Variants in KLKB1 observed in about 807,000 individuals in gnomAD.
The protein encoded by KLKB1 is plasma kallikrein.
A neutral mutation model predicts 73.6 loss-of-function variants in KLKB1; 58 were observed. The ratio of observed to expected loss-of-function variants is 0.79; its 90% confidence interval spans 0.64 to 0.98. KLKB1 has a LOEUF of 0.98. KLKB1 is among the 50% of genes least tolerant of loss of function. The probability of loss-of-function intolerance (pLI) is 0.00; values close to 1 mark genes in which losing one functional copy is unlikely to be tolerated. For synonymous variants in KLKB1, 280 were observed against 258.1 expected (o/e 1.08, Z -0.81); for missense variants, 737 against 763.8 (o/e 0.96, Z 0.41).
rs1465338612 is a variant in KLKB1 at position 186,258,040 on chromosome 4, T to C, written c.1745T>C (p.Leu582Ser). The C allele has an allele frequency of 6.2e-7, 1 of 1,614,052 alleles. No individual in the cohort carries two copies. Residue 582 changes from leucine (L) to serine (S), a missense_variant, in exon 15 of 15, where the codon TTA (leucine) becomes TCA (serine). Transcript: ENST00000264690. ...DACKGDSGGP[L>S]VCKHNGMWRL... ...ACTCAGGGAGATTCAGGTGGTCCCT[T>C]AGTTTGCAAACACAATGGAATGTGG...
At chr4:186,255,249 C>T (rs1345195623) in intron 12 of KLKB1, among the ~76,000 whole-genome samples, 5 of 152,144 alleles carry the variant, frequency 3.3e-5, no homozygotes, top group South Asian at 2.1e-4. Context: ...TGCCAGGAGC[C>T]GAATACCCAC....
At chr4:186,225,227 A>C (rs1401497139), upstream of KLKB1, among the ~76,000 whole-genome samples, 1 of 152,046 alleles carries the variant, frequency 6.6e-6, no homozygotes, top group Non-Finnish European at 1.5e-5. Context: ...TCTGAAGGAC[A>C]GCTTTGCCTG....
intron 6 of KLKB1, among the ~76,000 whole-genome samples, chr4:186,239,313 G>A (rs1236581482): frequency 6.6e-6 from 1 of 151,042 alleles, no homozygotes; most frequent in Non-Finnish European, 1.5e-5. Flanking sequence ...TTATAGGACA[G>A]TGATATAGGA....
intron 2 of KLKB1, among the ~76,000 whole-genome samples, chr4:186,215,431 CTCTCTCCTTG>C (rs1736872705): frequency 1.5e-5 from 2 of 129,738 alleles, no homozygotes; most frequent in Non-Finnish European, 1.6e-5. Context: ...CTTTCTCTCT[CTCTCTCCTTG>C]CTTGCTTGCT....
intron 12 of KLKB1, 22 bp from the exon 13 acceptor site, chr4:186,255,970 T>C: frequency 6.8e-7 from 1 of 1,471,170 alleles, no homozygotes; most frequent in South Asian, 1.1e-5. Flanking sequence ...GACCAAACTC[T>C]AATTTAAAAA....
intron 2 of KLKB1, among the ~76,000 whole-genome samples, chr4:186,215,258 AAAT>A (rs1391529864): frequency 6.6e-6 from 1 of 151,748 alleles, no homozygotes; most frequent in Non-Finnish European, 1.5e-5. Flanking sequence ...AAAAAAAAAA[AAAT>A]ATGTAGGCAC....
intron 7 of KLKB1, chr4:186,250,899 A>G (rs1738633321): frequency 2.6e-6 from 1 of 379,952 alleles, no homozygotes; most frequent in Non-Finnish European, 4.8e-6. Flanking sequence ...TAGTTATGTA[A>G]TATCATCGGC....
In KLKB1 at chr4:186,228,215, C is replaced by T. The variant is rs1291078726; in HGVS notation, c.20C>T (p.Ala7Val). The T allele has an allele frequency of 6.3e-7, 1 of 1,585,404 alleles. No individual in the cohort carries two copies. The highest frequency in any genetic ancestry group is 1.7e-5 in the Admixed American group (1 of 59,930). MILFKQATYFISLFATV... is the reference protein window; with the variant it reads MILFKQVTYFISLFATV... ...TTTAGAATGATTTTATTCAAGCAAGCAACTTATTTCATTTCCTTGTTTGCT... is the reference window on the plus strand; with the variant it reads ...TTTAGAATGATTTTATTCAAGCAAGTAACTTATTTCATTTCCTTGTTTGCT... The change falls in exon 2 of 15, where the codon GCA becomes GTA. Residue 7 changes from alanine (A) to valine (V), a missense_variant. Ala to Val is a moderately conservative substitution (Grantham distance 64, BLOSUM62 0). Transcript: ENST00000264690.
At chr4:186,245,040 A>C (rs1738255991) in intron 6 of KLKB1, among the ~76,000 whole-genome samples, 1 of 152,146 alleles carries the variant, frequency 6.6e-6, no homozygotes, top group Non-Finnish European at 1.5e-5. Context: ...GCTGTGGCCT[A>C]AGAACAGTCA....
chr4:186,225,483 GTGCA>G (rs1329297976), upstream of KLKB1, among the ~76,000 whole-genome samples: 1,613 of 30,956 alleles, frequency 0.052, 32 homozygotes, highest in African/African-American at 0.22. Flanking sequence ...GGAGTGCAGT[GTGCA>G]GTGGCGCAAT....
chr4:186,257,983 G>T, intron 14 of KLKB1, 38 bp from the exon 15 acceptor site: 1 of 1,591,312 alleles, frequency 6.3e-7, no homozygotes. Context: ...TCCCATTGTC[G>T]TAACTTTCTA....
chr4:186,244,063 T>A (rs925060957), intron 6 of KLKB1, among the ~76,000 whole-genome samples: 1 of 152,190 alleles, frequency 6.6e-6, no homozygotes, highest in Non-Finnish European at 1.5e-5. Context: ...GGCGTGGTCC[T>A]GGCTCTTGTG....
At chr4:186,250,523 C>A in intron 7 of KLKB1, 121 bp downstream of exon 7, 2 of 1,112,758 alleles carry the variant, frequency 1.8e-6, no homozygotes, top group Non-Finnish European at 2.7e-6. Context: ...CCTCAAAACA[C>A]TTGAACCTGC....
chr4:186,232,466 G>A (rs747748523), intron 3 of KLKB1, among the ~76,000 whole-genome samples, 177 bp downstream of exon 3: 41 of 152,174 alleles, frequency 2.7e-4, no homozygotes, highest in Non-Finnish European at 4.7e-4. Flanking sequence ...ACCCAGATCT[G>A]CTGAACCAAA....
rs142998952 is a variant in KLKB1, at chr4:186,230,130, A to G, written c.58+1877A>G. 3.1e-3 allele frequency among the ~76,000 whole-genome samples: 472 copies of G among 152,280 alleles called. 3 individuals carry two copies. Among genetic ancestry groups the G allele is most frequent in the African/African-American group, 0.011 (444 of 41,578 alleles). On this transcript the variant is annotated intron_variant, in intron 2 of 14. Coordinates refer to ENST00000264690, the MANE Select transcript of KLKB1 (RefSeq NM_000892.5). ...AGTTACTTTTTAAGCCAGATTCACC[A>G]TGGGCTTTTTGGCTCCTGAACCAAT... is the stretch of plus-strand genomic sequence containing the variant.
intron 4 of KLKB1, among the ~76,000 whole-genome samples, chr4:186,234,914 T>A (rs979054767): frequency 2.2e-4 from 34 of 152,396 alleles, no homozygotes; most frequent in Admixed American, 3.9e-4. Context: ...TTATTCTATG[T>A]ATGACTATAT....
At chr4:186,219,956 A>G (rs1736997338) in intron 2 of KLKB1, among the ~76,000 whole-genome samples, 1 of 152,112 alleles carries the variant, frequency 6.6e-6, no homozygotes, top group Admixed American at 6.6e-5. Context: ...CACAGCCAAC[A>G]CTGCAACTCC....
intron 6 of KLKB1, among the ~76,000 whole-genome samples, chr4:186,245,814 T>TTTTTTTTAA (rs1738306994): frequency 8.8e-6 from 1 of 113,454 alleles, no homozygotes; most frequent in African/African-American, 3.0e-5. Context: ...TTTTTTTTGT[T>TTTTTTTTAA]TGTTTTTTGG....
upstream of KLKB1, among the ~76,000 whole-genome samples, chr4:186,221,849 T>C (rs1737039239): frequency 2.0e-5 from 3 of 152,342 alleles, no homozygotes; most frequent in South Asian, 6.2e-4. Flanking sequence ...TTGTTGATTT[T>C]CTGTCCAGGT....
Sources: gnomAD v4.1 joint callset for allele counts (sites outside exome capture counted in the v4.1 genomes callset) on GRCh38, gnomAD v4.1.1 for gene constraint, MANE v1.5 for transcripts, NCBI Gene and HGNC (gene_info 2026-07-23, HGNC 2026-07-21) for gene names.